IFITM10: variants seen among roughly 807,000 people sequenced by gnomAD.
The protein encoded by IFITM10 is interferon induced transmembrane protein 10.
A neutral mutation model predicts 19.0 loss-of-function variants in IFITM10; 17 were observed. The ratio of observed to expected loss-of-function variants is 0.90; its 90% CI spans 0.61 to 1.34. IFITM10 has a LOEUF of 1.34. Ranked by LOEUF, IFITM10 falls within the 40% of genes most tolerant of loss-of-function variation. IFITM10 has a pLI of 0.00. For missense variants in IFITM10, 306 were observed against 319.8 expected, an observed-to-expected ratio of 0.96 and a Z score of 0.33; for synonymous variants, 148 against 147.2, an observed-to-expected ratio of 1.01 and a Z score of -0.04.
intron 2 of IFITM10, among the ~76,000 whole-genome samples, chr11:1,738,531 T>C (rs969123329): frequency 6.6e-6 from 1 of 152,132 alleles, no homozygotes; most frequent in African/African-American, 2.4e-5. Context: ...GGGTGGGGCA[T>C]CTGGGTAAGC....
chr11:1,733,223 A>C lies in IFITM10; in HGVS notation c.*2057T>G, dbSNP rs1851046446. ...TCTCCCACCATCCTCCAAGAGGCTC[A>C]ATGACAGCTCCGTGCAGCCCCGCAT... On this transcript the variant is annotated 3_prime_UTR_variant, in exon 3 of 3. Transcript: ENST00000340134. The surrounding 1 kb of genome is among the most constrained non-coding windows in gnomAD (Gnocchi z 6.3). The C allele has an allele frequency of 1.3e-5, 2 of 152,852 alleles. No individual in the cohort carries two copies. The highest frequency in any genetic ancestry group is 2.9e-5 in the Non-Finnish European group (2 of 68,516). The allele number at this position is 152,852 out of a possible 1,614,324, so 9.5% of individuals were successfully genotyped here.
In IFITM10 at chr11:1,735,296, G is replaced by C; in HGVS notation, c.671C>G (p.Pro224Arg). 1 of 1,551,740 alleles carries C rather than the reference G, an allele frequency of 6.4e-7. No individual in the cohort carries two copies. The highest frequency in any genetic ancestry group is 8.7e-7 in the Non-Finnish European group (1 of 1,146,982). The change falls in exon 3 of 3, where the codon CCC becomes CGC. Residue 224 changes from proline to arginine, a missense_variant. Coordinates refer to ENST00000340134, the MANE Select transcript of IFITM10 (RefSeq NM_001170820.4). ...IILVFIFLRY[P>R]LTDY is the part of the protein sequence containing the mutation. ...TGGCGGGCCTTAGTAGTCGGTGAGG[G>C]GGTACCGCAGGAAGATGAAGACGAG...
chr11:1,747,903 G>A lies in IFITM10; in HGVS notation c.301C>T (p.Pro101Ser), dbSNP rs1007362035. Residue 101 changes from proline (P) to serine (S), a missense_variant, in exon 2 of 3, where the codon CCC (proline) becomes TCC (serine). Physicochemically the swap from Pro to Ser is moderately conservative, Grantham distance 74 (BLOSUM62 -1). Coordinates refer to ENST00000340134, the MANE Select transcript of IFITM10 (RefSeq NM_001170820.4). ...PEPSASPPMA[P>S]TLFPMESKSS... Reference sequence around the variant, plus strand: ...TTGGACTCCATGGGGAACAGTGTGGGCGCCATCGGGGGAGAGGCCGAGGGC... The same window carrying A: ...TTGGACTCCATGGGGAACAGTGTGGACGCCATCGGGGGAGAGGCCGAGGGC... 6.6e-7 allele frequency: 1 copy of A among 1,506,862 alleles called. No homozygotes were observed. Among genetic ancestry groups the A allele is most frequent in the Non-Finnish European group, 8.9e-7 (1 of 1,123,246 alleles). 93.3% of individuals were successfully genotyped at this position (1,506,862 alleles called of 1,614,324 possible).
intron 2 of IFITM10, among the ~76,000 whole-genome samples, chr11:1,737,958 C>T (rs752633054): frequency 3.3e-5 from 5 of 151,890 alleles, no homozygotes; most frequent in South Asian, 2.1e-4. Context: ...GCGGATGGAG[C>T]GGAGGGCAGG....
In IFITM10 at chr11:1,747,864, C is replaced by G; in HGVS notation, c.340G>C (p.Asp114His). ...GGCGCGCCGGCAGCCCGCACGCTGT[C>G]GGTCTTGCTGCTCTTGGACTCCATG... The part of the protein sequence containing the change: ...FPMESKSSKT[D>H]SVRAAGAPPA... Residue 114 changes from aspartate (D) to histidine (H), a missense_variant, in exon 2 of 3, where the codon GAC becomes CAC. Coordinates refer to ENST00000340134, the MANE Select transcript of IFITM10 (RefSeq NM_001170820.4). 1 of 1,537,456 alleles carries G rather than the reference C, an allele frequency of 6.5e-7. No homozygotes were observed. Among genetic ancestry groups the G allele is most frequent in the Non-Finnish European group, 8.8e-7 (1 of 1,139,158 alleles).
At chr11:1,745,814 GCACACACCCT>G (rs970356075) in intron 2 of IFITM10, 7 of 151,306 alleles carry the variant, frequency 4.6e-5, no homozygotes, top group East Asian at 2.0e-4. Flanking sequence ...CAGCACACAT[GCACACACCCT>G]CACACACCCG....
chr11:1,750,144 T>C (rs575270490), intron 1 of IFITM10, among the ~76,000 whole-genome samples: 19 of 152,030 alleles, frequency 1.2e-4, no homozygotes, highest in East Asian at 1.9e-4. Context: ...CTGTGAATCA[T>C]TTTTCCTGAC....
At chr11:1,746,253 T>C in intron 2 of IFITM10, 1 of 253,474 alleles carries the variant, frequency 3.9e-6, no homozygotes, top group Non-Finnish European at 7.4e-6. Context: ...ACACACACCA[T>C]GCCCACCCAC....
In IFITM10 at chr11:1,750,402, A is replaced by C; in HGVS notation, c.41T>G (p.Phe14Cys). The C allele has an allele frequency of 6.5e-7, 1 of 1,550,128 alleles. No individual in the cohort carries two copies. ...CTCGACCCTCTCCAAAGTCCCCCGG[A>C]AGCTGAGGATGCATGGCGGCCCCCG... ...GKRGPPCILS[F>C]RGTLERVEAQ... Residue 14 changes from phenylalanine to cysteine, a missense_variant, in exon 1 of 3, where the codon TTC becomes TGC. By Grantham distance (205) the Phe-to-Cys change is radical. Coordinates refer to ENST00000340134, the MANE Select transcript of IFITM10 (RefSeq NM_001170820.4).
intron 1 of IFITM10, chr11:1,749,111 C>T (rs1471348559): frequency 1.8e-6 from 2 of 1,095,656 alleles, no homozygotes; most frequent in Non-Finnish European, 2.3e-6. Context: ...ACTGATCCGC[C>T]TCCCAGCGGC....
chr11:1,735,439 G>A lies in IFITM10; in HGVS notation c.538-10C>T. The A allele has an allele frequency of 6.4e-7, 1 of 1,550,604 alleles. No individual in the cohort carries two copies. The highest frequency in any genetic ancestry group is 8.7e-7 in the Non-Finnish European group (1 of 1,146,252). On this transcript the variant is annotated splice_polypyrimidine_tract_variant and intron_variant, in intron 2 of 2. Coordinates refer to ENST00000340134, the MANE Select transcript of IFITM10 (RefSeq NM_001170820.4). ...GCTTCTTGTCTCGCACCTGAAGCCG[G>A]GAGGAGGACAGGAAATGGGCAGTCA...
chr11:1,746,656 G>A (rs1845653986), intron 2 of IFITM10: 1 of 398,542 alleles, frequency 2.5e-6, no homozygotes. Flanking sequence ...CAAGGATGGA[G>A]CAGAGGCGAA....
rs148742006 is a variant in IFITM10, at chr11:1,744,176, G to A, written c.537+3491C>T. Among the ~76,000 whole-genome samples, 948 of 152,256 alleles carry A rather than the reference G, an allele frequency of 6.2e-3. 11 individuals carry two copies. Among genetic ancestry groups the A allele is most frequent in the African/African-American group, 0.021 (879 of 41,538 alleles). ...TCTGAAACACTGTGGTGCTTCTTCC[G>A]TCTCACCATGTGTCCTCTGTCCACC... On this transcript the variant is annotated intron_variant, in intron 2 of 2. Coordinates refer to ENST00000340134, the MANE Select transcript of IFITM10 (RefSeq NM_001170820.4).
chr11:1,746,439 T>C (rs1172377697), intron 2 of IFITM10: 2 of 397,644 alleles, frequency 5.0e-6, no homozygotes, highest in African/African-American at 2.1e-5. Context: ...TGCCCACTTA[T>C]GCAATTACAC....
At chr11:1,745,876 T>C (rs568668950) in intron 2 of IFITM10, 21 of 145,964 alleles carry the variant, frequency 1.4e-4, no homozygotes, top group African/African-American at 5.4e-4. Context: ...CACGTGTGAT[T>C]ACACACACGT....
chr11:1,742,550 C>T lies in IFITM10; in HGVS notation c.537+5117G>A, dbSNP rs1845581907. On this transcript the variant is annotated intron_variant, in intron 2 of 2. Coordinates refer to ENST00000340134, the MANE Select transcript of IFITM10 (RefSeq NM_001170820.4). ...GAGTGTGACTCAGCTAGGGGAGCAG[C>T]AGGAGGAAGGGCGGGTGGATGTCTT... Among the ~76,000 whole-genome samples, 3 of 152,034 alleles carry T rather than the reference C, an allele frequency of 2.0e-5. No homozygotes were observed. In the South Asian group the frequency reaches 6.2e-4, roughly 32 times the overall value.
At position 1,747,855 on chromosome 11, in the gene IFITM10, G is replaced by A. The variant is rs190833491; in HGVS notation, c.349C>T (p.Arg117Trp). The change falls in exon 2 of 3, where the codon CGG (arginine) becomes TGG (tryptophan). Residue 117 changes from arginine to tryptophan, a missense_variant. By Grantham distance (101) the Arg-to-Trp change is moderately radical (BLOSUM62 -3). Transcript: ENST00000340134. ...CAGGCAGGGGGCGCGCCGGCAGCCC[G>A]CACGCTGTCGGTCTTGCTGCTCTTG... ...ESKSSKTDSV[R>W]AAGAPPACKH... 12,830 of 1,540,248 alleles carry A rather than the reference G, an allele frequency of 8.3e-3. 91 individuals are homozygous for A. The highest frequency in any genetic ancestry group is 0.027 in the Middle Eastern group (162 of 5,928).
In IFITM10 at chr11:1,736,405, A is replaced by G. The variant is rs1479430474; in HGVS notation, c.538-976T>C. 1.3e-5 allele frequency among the ~76,000 whole-genome samples: 2 copies of G among 152,176 alleles called. 1 individual carries two copies. The highest frequency in any genetic ancestry group is 4.8e-5 in the African/African-American group (2 of 41,434). Reference sequence around the variant, plus strand: ...TAATTGAGTGGGAGAATGGAAGCATAAATGGATTGGCCTGTGGGTGGATGG... The same window carrying G: ...TAATTGAGTGGGAGAATGGAAGCATGAATGGATTGGCCTGTGGGTGGATGG... On this transcript the variant is annotated intron_variant, in intron 2 of 2. Coordinates refer to ENST00000340134, the MANE Select transcript of IFITM10 (RefSeq NM_001170820.4).
intron 2 of IFITM10, among the ~76,000 whole-genome samples, chr11:1,739,705 C>A (rs1851125275): frequency 6.6e-6 from 1 of 151,670 alleles, no homozygotes; most frequent in Non-Finnish European, 1.5e-5. Flanking sequence ...CCAGGGAAGA[C>A]CTTGTGGGGT....
Sources: allele counts gnomAD v4.1 joint callset (sites outside exome capture counted in the v4.1 genomes callset), GRCh38; gene constraint gnomAD v4.1.1; non-coding constraint Gnocchi (gnomAD v3.1); transcripts MANE v1.5; gene names NCBI Gene and HGNC (gene_info 2026-07-23, HGNC 2026-07-21).